MAF: variants seen among roughly 807,000 people sequenced by gnomAD.
The protein encoded by MAF is MAF bZIP transcription factor, also known as transcription factor Maf.
MAF carries 10 observed loss-of-function variants against 22.0 expected under a neutral mutation model. The ratio of observed to expected loss-of-function variants is 0.45; its 90% confidence interval spans 0.28 to 0.77. The LOEUF (loss-of-function observed/expected upper bound fraction) is 0.77, where lower values mean the gene tolerates loss of function less well. Ranked by LOEUF, MAF falls within the 30% of genes least tolerant of loss-of-function variation. The pLI is 0.12. For missense variants in MAF, 544 were observed against 548.4 expected (o/e 0.99, Z 0.08); for synonymous variants, 337 against 255.8 (o/e 1.32, Z -3.03).
chr16:79,429,568 G>A, the MAF span, among the ~76,000 whole-genome samples: 10 of 152,138 alleles, frequency 6.6e-5, no homozygotes, highest in Non-Finnish European at 1.3e-4. Flanking sequence ...TACAGTTGAC[G>A]TGGATTCGCT....
chr16:79,221,849 T>G, the MAF span, among the ~76,000 whole-genome samples: 9 of 152,360 alleles, frequency 5.9e-5, no homozygotes, highest in African/African-American at 2.2e-4. Context: ...AGTTCTGTTA[T>G]TAAAAACAAT....
the MAF span, among the ~76,000 whole-genome samples, chr16:79,558,284 A>T: frequency 0.07 from 10,698 of 152,230 alleles, 533 homozygotes; most frequent in Middle Eastern, 0.16. Flanking sequence ...ACTATGAACT[A>T]TAAAGAGAAA....
the MAF span, among the ~76,000 whole-genome samples, chr16:79,427,181 A>C: frequency 1.3e-5 from 2 of 152,222 alleles, no homozygotes; most frequent in Non-Finnish European, 1.5e-5. Context: ...TGGTTTTAGA[A>C]AAGAAAACAT....
At chr16:79,456,802 T>C in the MAF span, among the ~76,000 whole-genome samples, 2 of 152,314 alleles carry the variant, frequency 1.3e-5, no homozygotes, top group South Asian at 2.1e-4. Flanking sequence ...TCTCCTCTTC[T>C]TTTTGGGACA....
intron 1 of MAF, chr16:79,596,737 T>C: frequency 9.6e-7 from 1 of 1,044,426 alleles, no homozygotes; most frequent in Non-Finnish European, 1.2e-6. Context: ...GATTATTGCC[T>C]TTAAAACTGT....
chr16:79,229,179 G>A, the MAF span: 1 of 151,780 alleles, frequency 6.6e-6, no homozygotes, highest in Non-Finnish European at 1.5e-5. Flanking sequence ...CTCCTTCTGA[G>A]GATAAAGGCC....
the MAF span, among the ~76,000 whole-genome samples, chr16:79,275,172 A>G: frequency 3.9e-5 from 6 of 152,246 alleles, no homozygotes; most frequent in East Asian, 9.7e-4. Flanking sequence ...CTTGGCCAAC[A>G]TGGTGAAATC....
the MAF span, among the ~76,000 whole-genome samples, chr16:79,425,043 C>A: frequency 6.6e-6 from 1 of 152,076 alleles, no homozygotes; most frequent in Non-Finnish European, 1.5e-5. Flanking sequence ...TACTAGCACA[C>A]AAACATACTC....
chr16:79,583,280 G>A (rs935557804), downstream of MAF, among the ~76,000 whole-genome samples: 56 of 152,080 alleles, frequency 3.7e-4, no homozygotes, highest in Non-Finnish European at 5.9e-5. Flanking sequence ...CCTTCCTTAC[G>A]TTTGACAACT....
chr16:79,226,541 C>G, the MAF span, among the ~76,000 whole-genome samples: 2 of 151,908 alleles, frequency 1.3e-5, no homozygotes, highest in Non-Finnish European at 2.9e-5. Flanking sequence ...AATTTAAAAA[C>G]AAAATGTTTA....
At chr16:79,218,917 C>T in the MAF span, among the ~76,000 whole-genome samples, 1 of 152,186 alleles carries the variant, frequency 6.6e-6, no homozygotes, top group East Asian at 1.9e-4. Flanking sequence ...GCCCAAAACT[C>T]ACACCCCAAG....
chr16:79,567,256 T>C, the MAF span, among the ~76,000 whole-genome samples: 1 of 151,928 alleles, frequency 6.6e-6, no homozygotes, highest in East Asian at 1.9e-4. Flanking sequence ...AGACAGAGGT[T>C]GCAGTGAGCC....
the MAF span, among the ~76,000 whole-genome samples, chr16:79,456,229 G>C: frequency 6.6e-6 from 1 of 151,974 alleles, no homozygotes; most frequent in African/African-American, 2.4e-5. Context: ...AAAGCATCCT[G>C]TGCAGAAAAC....
At chr16:79,543,639 T>C in the MAF span, among the ~76,000 whole-genome samples, 1 of 152,074 alleles carries the variant, frequency 6.6e-6, no homozygotes. Context: ...AATGCGATGT[T>C]TACAGCTGAA....
At chr16:79,574,676 C>G in the MAF span, among the ~76,000 whole-genome samples, 1 of 152,062 alleles carries the variant, frequency 6.6e-6, no homozygotes, top group Non-Finnish European at 1.5e-5. Flanking sequence ...GGTCACATGG[C>G]TGCTTTAGTG....
the MAF span, among the ~76,000 whole-genome samples, chr16:79,256,535 A>G: frequency 2.0e-5 from 3 of 152,278 alleles, no homozygotes; most frequent in African/African-American, 4.8e-5. Flanking sequence ...TCAGGTGACC[A>G]CAGACAAGGA....
chr16:79,373,031 G>T, the MAF span, among the ~76,000 whole-genome samples: 1 of 152,112 alleles, frequency 6.6e-6, no homozygotes, highest in Non-Finnish European at 1.5e-5. Flanking sequence ...CGGGACCATG[G>T]TTGCCTCACC....
intron 1 of MAF, chr16:79,597,259 A>T (rs1663786853): frequency 9.5e-7 from 1 of 1,048,350 alleles, no homozygotes; most frequent in Admixed American, 5.5e-5. Flanking sequence ...CTTTATCTGT[A>T]GCATACATTT....
chr16:79,316,476 A>G, the MAF span, among the ~76,000 whole-genome samples: 1 of 152,136 alleles, frequency 6.6e-6, no homozygotes, highest in Non-Finnish European at 1.5e-5. Flanking sequence ...CTCGGTTTCC[A>G]TGTCTCTGAG....
Sources: allele counts gnomAD v4.1 joint callset (sites outside exome capture counted in the v4.1 genomes callset), GRCh38; gene constraint gnomAD v4.1.1; transcripts MANE v1.5; gene names NCBI Gene and HGNC (gene_info 2026-07-23, HGNC 2026-07-21).